The following LRRTM4 variants were observed in gnomAD, a reference collection of about 807,000 sequenced individuals.
LRRTM4 encodes leucine rich repeat transmembrane neuronal 4.
Under a neutral mutation model 47.6 loss-of-function variants are expected in LRRTM4, and 25 were observed. That is an observed-to-expected ratio of 0.53 (90% CI 0.38 to 0.73). The LOEUF (loss-of-function observed/expected upper bound fraction) is 0.73. Ranked by LOEUF, LRRTM4 falls within the 30% of genes least tolerant of loss-of-function variation. The pLI, the probability that LRRTM4 is intolerant of heterozygous loss-of-function variation, is 0.00. For missense variants in LRRTM4, 638 were observed against 713.4 expected (o/e 0.89, Z 1.20); for synonymous variants, 311 against 269.5 (o/e 1.15, Z -1.51).
Position 76,957,855 on chromosome 2 carries a change from A to G in LRRTM4, c.1552-208939T>C, listed in dbSNP as rs1675725706. 4.0e-5 allele frequency among the ~76,000 whole-genome samples: 6 copies of G among 151,726 alleles called. No homozygotes were observed. In the South Asian group the frequency reaches 1.0e-3, roughly 26 times the overall value. On this transcript the variant is annotated intron_variant, in intron 3 of 3. Transcript: ENST00000409884. Reference sequence around the variant, plus strand: ...CATATGTGCTTATGATATGGTTTGAATAATTCTGCCAGATAGACTAGCTTT... The same window carrying G: ...CATATGTGCTTATGATATGGTTTGAGTAATTCTGCCAGATAGACTAGCTTT...
chr2:76,793,215 T>C (rs61488732), intron 3 of LRRTM4, among the ~76,000 whole-genome samples: 21,691 of 152,192 alleles, frequency 0.14, 1,646 homozygotes, highest in African/African-American at 0.15. Flanking sequence ...AAAACACTCA[T>C]CTCTTGGTGT....
At chr2:77,054,278 CA>C (rs1440255398) in intron 3 of LRRTM4, among the ~76,000 whole-genome samples, 5 of 151,020 alleles carry the variant, frequency 3.3e-5, no homozygotes, top group Admixed American at 2.0e-4. Context: ...GCAAACTCTT[CA>C]AAAATAAATT....
intron 3 of LRRTM4, among the ~76,000 whole-genome samples, chr2:77,251,561 T>A (rs1048348103): frequency 1.1e-4 from 16 of 152,160 alleles, no homozygotes; most frequent in Non-Finnish European, 2.1e-4. Flanking sequence ...CCCTGCTCTG[T>A]GAACTTCACC....
intron 3 of LRRTM4, among the ~76,000 whole-genome samples, chr2:77,091,996 G>C (rs1670658231): frequency 6.6e-6 from 1 of 151,604 alleles, no homozygotes; most frequent in Non-Finnish European, 1.5e-5. Context: ...TGACCTTACT[G>C]TTTTAGCCCA....
intron 3 of LRRTM4, among the ~76,000 whole-genome samples, chr2:76,812,269 A>T (rs1168326229): frequency 6.6e-6 from 1 of 152,110 alleles, no homozygotes; most frequent in Non-Finnish European, 1.5e-5. Flanking sequence ...ACACCACATA[A>T]ACTTCTTTGA....
At chr2:77,442,595 T>A (rs1386191150) in intron 3 of LRRTM4, among the ~76,000 whole-genome samples, 1 of 152,200 alleles carries the variant, frequency 6.6e-6, no homozygotes, top group Non-Finnish European at 1.5e-5. Context: ...GCTGAAGACA[T>A]AAACAAGATC....
At chr2:77,218,455 A>G (rs546275442) in intron 3 of LRRTM4, among the ~76,000 whole-genome samples, 1 of 152,260 alleles carries the variant, frequency 6.6e-6, no homozygotes, top group East Asian at 1.9e-4. Context: ...TTCTTACCCC[A>G]TAAATCCCAT....
chr2:77,376,067 T>G (rs1303530044), intron 3 of LRRTM4, among the ~76,000 whole-genome samples: 1 of 151,900 alleles, frequency 6.6e-6, no homozygotes, highest in Admixed American at 6.6e-5. Context: ...AATATCTTGC[T>G]ACAGTTGTCT....
At chr2:77,385,484 C>T (rs1673224189) in intron 3 of LRRTM4, among the ~76,000 whole-genome samples, 1 of 152,004 alleles carries the variant, frequency 6.6e-6, no homozygotes, top group Non-Finnish European at 1.5e-5. Context: ...CTTAATTAAC[C>T]CAGTCACTGA....
intron 3 of LRRTM4, among the ~76,000 whole-genome samples, chr2:77,058,989 A>C (rs1402605062): frequency 6.6e-6 from 1 of 152,132 alleles, no homozygotes; most frequent in African/African-American, 2.4e-5. Context: ...CCAATTTCTA[A>C]GTGACTTTTA....
intron 3 of LRRTM4, among the ~76,000 whole-genome samples, chr2:76,821,948 C>T (rs957045057): frequency 1.3e-5 from 2 of 151,538 alleles, no homozygotes; most frequent in Non-Finnish European, 3.0e-5. Flanking sequence ...AGTCCAATTA[C>T]TTCTTTAGAG....
intron 3 of LRRTM4, among the ~76,000 whole-genome samples, chr2:77,223,103 A>G (rs1488702702): frequency 1.3e-5 from 2 of 152,220 alleles, no homozygotes; most frequent in Non-Finnish European, 2.9e-5. Flanking sequence ...CCAAAGAAAA[A>G]AAACCACACA....
intron 3 of LRRTM4, among the ~76,000 whole-genome samples, chr2:77,338,437 C>T (rs1671244118): frequency 6.6e-6 from 1 of 151,750 alleles, no homozygotes. Flanking sequence ...AGAAGATAAA[C>T]AGACACTTTT....
chr2:77,293,212 T>C (rs1676878635), intron 3 of LRRTM4, among the ~76,000 whole-genome samples: 1 of 152,096 alleles, frequency 6.6e-6, no homozygotes, highest in Admixed American at 6.6e-5. Flanking sequence ...ACAGTGCAAA[T>C]AAAACCCAAA....
chr2:77,411,618 ATTTTTTTTTTTTTT>A (rs1222177148), intron 3 of LRRTM4, among the ~76,000 whole-genome samples: 1 of 64,810 alleles, frequency 1.5e-5, no homozygotes, highest in African/African-American at 6.4e-5. Flanking sequence ...ATGCCCGGCT[ATTTTTTTTTTTTTT>A]TTTTTTTTTT....
chr2:77,061,903 T>A (rs188655185), intron 3 of LRRTM4, among the ~76,000 whole-genome samples: 3 of 151,992 alleles, frequency 2.0e-5, no homozygotes, highest in African/African-American at 7.3e-5. Flanking sequence ...ATCTACATAG[T>A]ATTTAATAGT....
chr2:77,493,333 C>A (rs1019285873), intron 3 of LRRTM4, among the ~76,000 whole-genome samples: 7 of 151,792 alleles, frequency 4.6e-5, no homozygotes, highest in African/African-American at 1.7e-4. Flanking sequence ...GGAGACGAAG[C>A]ATTATATTCA....
At chr2:77,329,912 T>C (rs1558691140) in intron 3 of LRRTM4, among the ~76,000 whole-genome samples, 1 of 152,140 alleles carries the variant, frequency 6.6e-6, no homozygotes, top group Non-Finnish European at 1.5e-5. Context: ...GTCCCATCAA[T>C]ATAATCATGA....
chr2:77,107,838 A>ATG (rs1433950422), intron 3 of LRRTM4, among the ~76,000 whole-genome samples: 2 of 141,340 alleles, frequency 1.4e-5, no homozygotes, highest in African/African-American at 5.4e-5. Context: ...AAAAAAAAAG[A>ATG]AAGAAAGAAA....
Sources: allele counts gnomAD v4.1 joint callset (sites outside exome capture counted in the v4.1 genomes callset), GRCh38; gene constraint gnomAD v4.1.1; transcripts MANE v1.5; gene names NCBI Gene and HGNC (gene_info 2026-07-23, HGNC 2026-07-21).